TUBA3C: variants seen among roughly 807,000 people sequenced by gnomAD.
TUBA3C encodes tubulin alpha-3C chain.
TUBA3C carries 23 observed loss-of-function variants against 33.4 expected under a neutral mutation model. The ratio of observed to expected loss-of-function variants is 0.69; its 90% CI spans 0.50 to 0.98. The LOEUF is 0.98. TUBA3C is among the 50% of genes least tolerant of loss of function. TUBA3C has a pLI of 0.00. For missense variants in TUBA3C, 402 were observed against 616.0 expected, an observed-to-expected ratio of 0.65 and a Z score of 3.68; for synonymous variants, 269 against 250.4, an observed-to-expected ratio of 1.07 and a Z score of -0.70.
chr13:19,180,777 G>C (rs1356473366), intron 1 of TUBA3C, among the ~76,000 whole-genome samples: 3 of 151,470 alleles, frequency 2.0e-5, no homozygotes. Flanking sequence ...TTACAGGCGT[G>C]AGCCACAGCG....
intron 2 of TUBA3C, 88 bp downstream of exon 2, chr13:19,179,250 CAGG>C (rs1171371431): frequency 5.8e-6 from 9 of 1,554,368 alleles, no homozygotes; most frequent in African/African-American, 5.5e-5. Flanking sequence ...ATACCTTCTG[CAGG>C]AGGATTCAAA....
chr13:19,174,983 C>T (rs913868963), intron 4 of TUBA3C, among the ~76,000 whole-genome samples: 2 of 151,950 alleles, frequency 1.3e-5, no homozygotes, highest in African/African-American at 4.8e-5. Context: ...GCACGGTGAC[C>T]CACACCTGTA....
At chr13:19,180,095 C>A (rs1030440085) in intron 1 of TUBA3C, among the ~76,000 whole-genome samples, 4 of 152,060 alleles carry the variant, frequency 2.6e-5, no homozygotes, top group African/African-American at 9.6e-5. Context: ...GCATCAGAGG[C>A]CTTCCTTGCT....
chr13:19,181,656 C>T (rs1328348107), intron 1 of TUBA3C, 89 bp downstream of exon 1: 3 of 1,579,606 alleles, frequency 1.9e-6, no homozygotes, highest in East Asian at 2.2e-5. Flanking sequence ...TGGCCCGCAA[C>T]AGCATCCCTC....
At position 19,178,399 on chromosome 13, in the gene TUBA3C, A is replaced by C. The variant is rs36215754; in HGVS notation, c.227-5T>G. 3,092 of 1,442,998 alleles carry C rather than the reference A, an allele frequency of 2.1e-3. 53 individuals are homozygous for C. The African/African-American group carries it at 0.023, about 11-fold the overall frequency. 89.4% of individuals were successfully genotyped at this position (1,442,998 alleles called of 1,614,324 possible). A position where few individuals can be genotyped will look rare whatever the true frequency, so the allele number is the denominator to read the frequency against. On this transcript the variant is annotated splice_polypyrimidine_tract_variant and splice_region_variant and intron_variant, in intron 2 of 4. Coordinates refer to ENST00000400113, the MANE Select transcript of TUBA3C (RefSeq NM_006001.3). Reference sequence around the variant, plus strand: ...AGGTTCCTGTGCGCACTTCATCTACAAAAGAGACCGTATGTACTGTGAATC... The same window carrying C: ...AGGTTCCTGTGCGCACTTCATCTACCAAAGAGACCGTATGTACTGTGAATC...
rs931160135 is a variant in TUBA3C, at chr13:19,177,843, G to A, written c.376-236C>T. ...AATAGGACTCAAGATACTGTTCTAA[G>A]TTGTTTTTTTTTTTTTTTTTTTAGA... On this transcript the variant is annotated intron_variant, in intron 3 of 4. Coordinates refer to ENST00000400113, the MANE Select transcript of TUBA3C (RefSeq NM_006001.3). The surrounding 1 kb of genome is among the most constrained non-coding windows in gnomAD (Gnocchi z 5.0). Among the ~76,000 whole-genome samples, 7 of 119,024 alleles carry A rather than the reference G, an allele frequency of 5.9e-5. No individual in the cohort carries two copies. The highest frequency in any genetic ancestry group is 2.1e-4 in the African/African-American group (7 of 33,490). The allele number at this position is 119,024 out of a possible 152,430, so 78.1% of individuals were successfully genotyped here.
intron 1 of TUBA3C, among the ~76,000 whole-genome samples, chr13:19,181,425 C>T (rs573048998): frequency 1.3e-5 from 2 of 152,112 alleles, no homozygotes; most frequent in Non-Finnish European, 2.9e-5. Flanking sequence ...GACCGGAAAG[C>T]GGGAGCAGCG....
At chr13:19,178,978 T>C (rs1428351444) in intron 2 of TUBA3C, among the ~76,000 whole-genome samples, 1 of 152,178 alleles carries the variant, frequency 6.6e-6, no homozygotes, top group Non-Finnish European at 1.5e-5. Context: ...ATGCCTAAGA[T>C]GCAGGTCAAG....
At position 19,173,819 on chromosome 13, in the gene TUBA3C, C is replaced by G; in HGVS notation, c.*44G>C. ...ATTGCAAAGAACTTGAAAGCAGCCA[C>G]GCTGGGGGTGGCAGTGGAGTGGAGA... On this transcript the variant is annotated 3_prime_UTR_variant, in exon 5 of 5. Transcript: ENST00000400113. 1.3e-6 allele frequency: 2 copies of G among 1,581,330 alleles called. No individual in the cohort carries two copies. The highest frequency in any genetic ancestry group is 4.5e-5 in the East Asian group (2 of 44,560).
chr13:19,178,366 C>T lies in TUBA3C; in HGVS notation c.255G>A (p.Gln85=). The T allele has an allele frequency of 1.2e-6, 2 of 1,614,150 alleles. No individual in the cohort carries two copies. The highest frequency in any genetic ancestry group is 1.7e-6 in the Non-Finnish European group (2 of 1,180,036). The change falls in exon 3 of 5, where the codon CAG becomes CAA. Residue 85 remains glutamine (Q), a synonymous_variant. Coordinates refer to ENST00000400113, the MANE Select transcript of TUBA3C (RefSeq NM_006001.3). ...VDEVRTGTYR[Q]LFHPEQLITG... ...TGATCAGCTGCTCTGGGTGGAAGAG[C>T]TGCCTATAGGTTCCTGTGCGCACTT...
rs1869389844 is a variant in TUBA3C at position 19,180,884 on chromosome 13, G to C, written c.3+861C>G. Among the ~76,000 whole-genome samples the C allele has an allele frequency of 2.0e-5, 3 of 151,272 alleles. No individual in the cohort carries two copies. The South Asian group carries it at 6.3e-4, about 32-fold the overall frequency. On this transcript the variant is annotated intron_variant, in intron 1 of 4. Coordinates refer to ENST00000400113, the MANE Select transcript of TUBA3C (RefSeq NM_006001.3). ...GAGGCAGGAGGATTGCTGGAGCCCA[G>C]GGGTTCAAGGCTGCAGGGAGCCGTG...
intron 4 of TUBA3C, 33 bp from the exon 5 acceptor site, chr13:19,174,192 G>A (rs749613853): frequency 1.9e-6 from 3 of 1,575,658 alleles, no homozygotes; most frequent in Non-Finnish European, 2.6e-6. Flanking sequence ...AGTCCATGAA[G>A]CTTATATCAA....
intron 1 of TUBA3C, among the ~76,000 whole-genome samples, chr13:19,181,378 C>T (rs1263145442): frequency 6.6e-6 from 1 of 152,146 alleles, no homozygotes; most frequent in Non-Finnish European, 1.5e-5. Context: ...GCTCCTGGGG[C>T]TCCTCAGTGG....
At position 19,177,731 on chromosome 13, in the gene TUBA3C, C is replaced by T. The variant is rs537360495; in HGVS notation, c.376-124G>A. The T allele has an allele frequency of 2.5e-5, 31 of 1,251,046 alleles. No individual in the cohort carries two copies. In the South Asian group the frequency reaches 3.1e-4, roughly 12 times the overall value. The allele number at this position is 1,251,046 out of a possible 1,614,324, so 77.5% of individuals were successfully genotyped here. A position where few individuals can be genotyped will look rare whatever the true frequency, so the allele number is the denominator to read the frequency against. On this transcript the variant is annotated intron_variant, in intron 3 of 4. Transcript: ENST00000400113. This position sits in a 1 kb window ranked among gnomAD's most constrained non-coding sequence, Gnocchi z 5.0. ...GGATTCCAATCATCCATAATAAACA[C>T]GCAGTACACTCTGAAGCAAAGAAAA... is the stretch of plus-strand genomic sequence containing the variant.
chr13:19,174,169 A>G lies in TUBA3C; in HGVS notation c.1057-10T>C, dbSNP rs1378657225. The G allele has an allele frequency of 5.0e-6, 8 of 1,607,218 alleles. No individual in the cohort carries two copies. Among genetic ancestry groups the G allele is most frequent in the Non-Finnish European group, 6.8e-6 (8 of 1,176,010 alleles). On this transcript the variant is annotated splice_polypyrimidine_tract_variant and intron_variant, in intron 4 of 4. Transcript: ENST00000400113. ...GGTAGTTAATGCCCACCTGCCGGAG[A>G]AGAGGAAGAAACAGTCCATGAAGCT...
intron 4 of TUBA3C, among the ~76,000 whole-genome samples, chr13:19,175,252 A>AAAAAC (rs201292761): frequency 4.1e-4 from 63 of 152,214 alleles, no homozygotes; most frequent in African/African-American, 9.4e-4. Flanking sequence ...ACTCCGTCTC[A>AAAAAC]AAAACAAAAC....
chr13:19,174,261 A>G, intron 4 of TUBA3C, 102 bp from the exon 5 acceptor site: 3 of 1,448,474 alleles, frequency 2.1e-6, no homozygotes, highest in Non-Finnish European at 1.8e-6. Context: ...TGAACAGGAG[A>G]ATTCTCAGTT....
chr13:19,177,484 G>A lies in TUBA3C; in HGVS notation c.499C>T (p.Leu167=). 6.2e-7 allele frequency: 1 copy of A among 1,614,110 alleles called. No homozygotes were observed. ...GGGGCTGGGTAAATGGCAAATTCTA[G>A]CTTGGACTTCTTGCCGTAATCCACT... ...LSVDYGKKSK[L]EFAIYPAPQV... Residue 167 remains leucine, a synonymous_variant, in exon 4 of 5, where the codon CTA becomes TTA. Coordinates refer to ENST00000400113, the MANE Select transcript of TUBA3C (RefSeq NM_006001.3). This position sits in a 1 kb window ranked among gnomAD's most constrained non-coding sequence, Gnocchi z 5.0.
Position 19,177,786 on chromosome 13 carries a change from T to G in TUBA3C, c.376-179A>C, listed in dbSNP as rs1191434340. Among the ~76,000 whole-genome samples the G allele has an allele frequency of 2.0e-5, 3 of 151,028 alleles. No individual in the cohort carries two copies. Among genetic ancestry groups the G allele is most frequent in the Admixed American group, 6.6e-5 (1 of 15,174 alleles). Reference sequence around the variant, plus strand: ...ACAAAGATCTACAGACAAATCACCATGCATACTTCAGACTAAGACCATTGC... The same window carrying G: ...ACAAAGATCTACAGACAAATCACCAGGCATACTTCAGACTAAGACCATTGC... On this transcript the variant is annotated intron_variant, in intron 3 of 4. Coordinates refer to ENST00000400113, the MANE Select transcript of TUBA3C (RefSeq NM_006001.3). The surrounding 1 kb of genome is among the most constrained non-coding windows in gnomAD (Gnocchi z 5.0).
Sources: allele counts gnomAD v4.1 joint callset (sites outside exome capture counted in the v4.1 genomes callset), GRCh38; gene constraint gnomAD v4.1.1; non-coding constraint Gnocchi (gnomAD v3.1); transcripts MANE v1.5; gene names NCBI Gene and HGNC (gene_info 2026-07-23, HGNC 2026-07-21).